The following FLT3 variants were observed in gnomAD, a reference collection of about 807,000 sequenced individuals.
FLT3 encodes fms related receptor tyrosine kinase 3, also known as receptor-type tyrosine-protein kinase FLT3.
A neutral mutation model predicts 126.6 loss-of-function variants in FLT3; 46 were observed. The ratio of observed to expected loss-of-function variants is 0.36; its 90% confidence interval spans 0.29 to 0.46. FLT3 has a LOEUF of 0.46. Among genes scored for constraint, FLT3 ranks in the 20% least tolerant of loss-of-function variants. The pLI, the probability that FLT3 is intolerant of heterozygous loss-of-function variation, is 1.00. For missense variants in FLT3, 1,069 were observed against 1,190.3 expected, an observed-to-expected ratio of 0.90 and a Z score of 1.50; for synonymous variants, 404 against 434.4, an observed-to-expected ratio of 0.93 and a Z score of 0.87.
intron 2 of FLT3, among the ~76,000 whole-genome samples, chr13:28,070,151 C>G (rs993598569): frequency 8.5e-5 from 13 of 152,210 alleles, no homozygotes; most frequent in African/African-American, 2.9e-4. Flanking sequence ...ATGCAAATAC[C>G]AAGCCATTTT....
chr13:28,030,615 A>AT (rs1392881327), intron 15 of FLT3, among the ~76,000 whole-genome samples: 6 of 152,180 alleles, frequency 3.9e-5, no homozygotes, highest in Non-Finnish European at 8.8e-5. Flanking sequence ...TAATCCCAAC[A>AT]TCTTGGGAGG....
chr13:28,064,630 A>C (rs1039183155), intron 2 of FLT3, among the ~76,000 whole-genome samples: 6 of 152,160 alleles, frequency 3.9e-5, no homozygotes, highest in Non-Finnish European at 5.9e-5. Flanking sequence ...ACCTACTTAT[A>C]ATTAGAAATC....
chr13:28,048,427 A>G lies in FLT3; in HGVS notation c.1053T>C (p.Asn351=). The G allele has an allele frequency of 6.2e-7, 1 of 1,604,572 alleles. No individual in the cohort carries two copies. The highest frequency in any genetic ancestry group is 1.3e-5 in the African/African-American group (1 of 74,852). ...CATAATCTTCACTTGAATTGGTAGCATTTATAAATCCCTTTTCTGTAAGAA... is the reference window on the plus strand; with the variant it reads ...CATAATCTTCACTTGAATTGGTAGCGTTTATAAATCCCTTTTCTGTAAGAA... ...LVTIVEKGFI[N]ATNSSEDYEI... is the part of the protein sequence containing the mutation. Residue 351 remains asparagine (N), a synonymous_variant, in exon 9 of 24, where the codon AAT becomes AAC. Transcript: ENST00000241453.
chr13:28,068,019 CTT>C (rs1180846090), intron 2 of FLT3: 1 of 188,180 alleles, frequency 5.3e-6, no homozygotes, highest in Non-Finnish European at 1.1e-5. Flanking sequence ...ATAGTGGAGA[CTT>C]TTTGTTTTTA....
chr13:28,091,388 A>AG (rs1879079321), intron 1 of FLT3, among the ~76,000 whole-genome samples: 1 of 146,870 alleles, frequency 6.8e-6, no homozygotes, highest in South Asian at 2.2e-4. Flanking sequence ...CGCCCGGCTA[A>AG]TTTTTTGTAT....
intron 2 of FLT3, among the ~76,000 whole-genome samples, chr13:28,066,528 A>C (rs749166450): frequency 6.6e-6 from 1 of 152,238 alleles, no homozygotes; most frequent in Non-Finnish European, 1.5e-5. Flanking sequence ...TTGAAAGGAC[A>C]CAGGAGCAAA....
At chr13:28,027,686 G>C (rs945955197) in intron 16 of FLT3, among the ~76,000 whole-genome samples, 2 of 152,200 alleles carry the variant, frequency 1.3e-5, no homozygotes, top group Admixed American at 6.5e-5. Flanking sequence ...GCTGCAGAAA[G>C]AATGAACCTT....
chr13:28,052,020 CA>C (rs922402519), intron 5 of FLT3, among the ~76,000 whole-genome samples: 1 of 151,708 alleles, frequency 6.6e-6, no homozygotes, highest in Non-Finnish European at 1.5e-5. Flanking sequence ...AGCCCCTTAC[CA>C]AAAAAATCCT....
At chr13:28,049,904 GC>G in intron 6 of FLT3, 130 bp from the exon 7 acceptor site, 1 of 1,146,322 alleles carries the variant, frequency 8.7e-7, no homozygotes, top group Admixed American at 2.7e-5. Context: ...AATAAAAGAA[GC>G]TTTTAGAGAC....
At chr13:28,027,056 T>C (rs1344031588) in intron 17 of FLT3, 32 bp downstream of exon 17, 1 of 1,598,414 alleles carries the variant, frequency 6.3e-7, no homozygotes, top group East Asian at 2.2e-5. Flanking sequence ...TTCTATGATG[T>C]GTAATTACGA....
chr13:28,058,589 G>A (rs989231896), intron 3 of FLT3, among the ~76,000 whole-genome samples: 3 of 152,186 alleles, frequency 2.0e-5, no homozygotes, highest in Non-Finnish European at 2.9e-5. Flanking sequence ...GCAAAGTGTA[G>A]TCTTTCTCTA....
intron 4 of FLT3, among the ~76,000 whole-genome samples, chr13:28,054,034 C>T (rs1195131613): frequency 6.6e-6 from 1 of 152,048 alleles, no homozygotes; most frequent in Non-Finnish European, 1.5e-5. Flanking sequence ...GTATGATCAA[C>T]CATGTGCTCT....
Position 28,034,339 on chromosome 13 carries a change from C to T in FLT3, c.1666G>A (p.Val556Ile), listed in dbSNP as rs780216662. Residue 556 changes from valine to isoleucine, a missense_variant, in exon 13 of 24, where the codon GTC becomes ATC. Val to Ile is a conservative substitution (Grantham distance 29). Transcript: ENST00000241453. ...ATIGVCLLFI[V>I]VLTLLICHKY... ...TGACAAATTAGCAGGGTTAAAACGA[C>T]AATGAAGAGGAGACAAACACCAATT... is the stretch of plus-strand genomic sequence containing the variant. 1 of 1,613,972 alleles carries T rather than the reference C, an allele frequency of 6.2e-7. No homozygotes were observed. Among genetic ancestry groups the T allele is most frequent in the Non-Finnish European group, 8.5e-7 (1 of 1,179,926 alleles).
chr13:28,016,222 A>G (rs1871842279), intron 20 of FLT3, among the ~76,000 whole-genome samples: 1 of 152,114 alleles, frequency 6.6e-6, no homozygotes, highest in African/African-American at 2.4e-5. Flanking sequence ...GACTAGAATC[A>G]AGACACAAGA....
intron 2 of FLT3, among the ~76,000 whole-genome samples, chr13:28,069,397 G>T (rs1308311239): frequency 6.6e-6 from 1 of 152,008 alleles, no homozygotes; most frequent in Non-Finnish European, 1.5e-5. Flanking sequence ...ACTAAACAGG[G>T]GTATAAACAG....
intron 15 of FLT3, among the ~76,000 whole-genome samples, chr13:28,031,544 G>A (rs904784158): frequency 6.6e-6 from 1 of 152,202 alleles, no homozygotes; most frequent in Non-Finnish European, 1.5e-5. Flanking sequence ...CATGACAAAG[G>A]TGATGGATTC....
chr13:28,019,690 G>A (rs557242596), intron 19 of FLT3, among the ~76,000 whole-genome samples: 5 of 152,216 alleles, frequency 3.3e-5, no homozygotes, highest in South Asian at 2.1e-4. Context: ...TGCTCTGGCC[G>A]AGGCCTGCAC....
chr13:28,063,444 C>G (rs943241218), intron 2 of FLT3, among the ~76,000 whole-genome samples: 9 of 152,202 alleles, frequency 5.9e-5, no homozygotes, highest in African/African-American at 2.2e-4. Context: ...CCCGCCAATG[C>G]ACTCCAGCCT....
chr13:28,037,495 T>TGG (rs1461877808), intron 9 of FLT3, among the ~76,000 whole-genome samples: 3 of 152,224 alleles, frequency 2.0e-5, no homozygotes, highest in African/African-American at 7.2e-5. Context: ...TGGTATCATC[T>TGG]GGGAGCTTGT....
Sources: gnomAD v4.1 joint callset for allele counts (sites outside exome capture counted in the v4.1 genomes callset) on GRCh38, gnomAD v4.1.1 for gene constraint, MANE v1.5 for transcripts, NCBI Gene and HGNC (gene_info 2026-07-23, HGNC 2026-07-21) for gene names.